Variants in DHRSX observed in about 807,000 individuals in gnomAD.
DHRSX encodes polyprenol dehydrogenase.
In DHRSX, 31 loss-of-function variants were observed where a neutral mutation model predicts 34.0. The ratio of observed to expected loss-of-function variants is 0.91; its 90% confidence interval spans 0.69 to 1.23. The LOEUF (loss-of-function observed/expected upper bound fraction) is 1.23, where lower values mean the gene tolerates loss of function less well. Among genes scored for constraint, DHRSX ranks in the 50% most tolerant of loss-of-function variants. The probability of loss-of-function intolerance (pLI) is 0.00; values close to 1 mark genes in which losing one functional copy is unlikely to be tolerated. For synonymous variants in DHRSX, 201 were observed against 183.8 expected (o/e 1.09, Z -0.76); for missense variants, 414 against 428.1 (o/e 0.97, Z 0.29).
intron 3 of DHRSX, among the ~76,000 whole-genome samples, chrX:2,296,573 G>A (rs1461005166): frequency 1.8e-4 from 20 of 108,570 alleles, no homozygotes; most frequent in Non-Finnish European, 3.5e-4. Flanking sequence ...ATAGGACCCA[G>A]GCAGATAGGA....
chrX:2,245,768 C>G (rs1291287796), intron 5 of DHRSX, among the ~76,000 whole-genome samples: 6 of 132,316 alleles, frequency 4.5e-5, no homozygotes, highest in Non-Finnish European at 8.0e-5. Context: ...CCAGGCTGGC[C>G]AACATGGTGA....
intron 1 of DHRSX, among the ~76,000 whole-genome samples, chrX:2,467,876 G>C (rs1346267500): frequency 6.6e-6 from 1 of 150,872 alleles, no homozygotes; most frequent in Admixed American, 6.6e-5. Context: ...CAGGAGAATC[G>C]CTTGAACCCA....
At chrX:2,317,364 G>T (rs1312250065) in intron 3 of DHRSX, among the ~76,000 whole-genome samples, 1 of 150,360 alleles carries the variant, frequency 6.7e-6, no homozygotes, top group African/African-American at 2.5e-5. Context: ...TGATTCTTCT[G>T]CCTCACTGTC....
At chrX:2,493,549 T>G (rs1017309654) in intron 1 of DHRSX, among the ~76,000 whole-genome samples, 1 of 151,746 alleles carries the variant, frequency 6.6e-6, no homozygotes, top group Non-Finnish European at 1.5e-5. Flanking sequence ...TATTATTATT[T>G]TTATTATTAT....
chrX:2,453,950 G>A (rs895678624), intron 1 of DHRSX, among the ~76,000 whole-genome samples: 7 of 152,052 alleles, frequency 4.6e-5, no homozygotes, highest in African/African-American at 1.7e-4. Context: ...TAACTTTATT[G>A]TTAATATGGT....
chrX:2,390,464 T>C (rs928173195), intron 3 of DHRSX, among the ~76,000 whole-genome samples: 9 of 152,074 alleles, frequency 5.9e-5, no homozygotes, highest in Non-Finnish European at 1.3e-4. Flanking sequence ...TAATTTTGAA[T>C]TGTGGAAAAA....
At chrX:2,478,395 A>G (rs1440240049) in intron 1 of DHRSX, among the ~76,000 whole-genome samples, 1 of 152,178 alleles carries the variant, frequency 6.6e-6, no homozygotes, top group Non-Finnish European at 1.5e-5. Flanking sequence ...GCAGGGACAC[A>G]TTCTGGCCAA....
At chrX:2,298,612 A>ACACACACACACACACACACACACACGCG (rs1556457204) in intron 3 of DHRSX, among the ~76,000 whole-genome samples, 11 of 57,208 alleles carry the variant, frequency 1.9e-4, no homozygotes, top group African/African-American at 4.7e-4. Context: ...ACACACACAC[A>ACACACACACACACACACACACACACGCG]CACACACACA....
At chrX:2,435,970 G>A (rs1439387145) in intron 1 of DHRSX, among the ~76,000 whole-genome samples, 3 of 152,112 alleles carry the variant, frequency 2.0e-5, no homozygotes, top group Non-Finnish European at 4.4e-5. Flanking sequence ...CGAGGCAGGC[G>A]GATCACGAGG....
intron 1 of DHRSX, chrX:2,490,142 C>T: frequency 6.2e-7 from 1 of 1,613,964 alleles, no homozygotes; most frequent in Non-Finnish European, 8.5e-7. Context: ...GATGCCACAC[C>T]AGGTGGCCTC....
At chrX:2,251,396 C>T (rs943501004) in intron 5 of DHRSX, among the ~76,000 whole-genome samples, 6 of 152,180 alleles carry the variant, frequency 3.9e-5, no homozygotes, top group African/African-American at 1.4e-4. Context: ...ACAGCCTGTT[C>T]CTCTTCTTTA....
At chrX:2,237,670 A>G (rs1203537595) in intron 6 of DHRSX, among the ~76,000 whole-genome samples, 1 of 151,664 alleles carries the variant, frequency 6.6e-6, no homozygotes, top group East Asian at 1.9e-4. Flanking sequence ...ACGCCTGGCT[A>G]ATTTCTGTAT....
At chrX:2,448,389 C>G (rs1187834483) in intron 1 of DHRSX, among the ~76,000 whole-genome samples, 2 of 151,872 alleles carry the variant, frequency 1.3e-5, no homozygotes, top group African/African-American at 4.8e-5. Context: ...GAAATAAATT[C>G]AAAGATCTAT....
intron 3 of DHRSX, among the ~76,000 whole-genome samples, chrX:2,294,955 G>A (rs1171536339): frequency 6.6e-6 from 1 of 152,112 alleles, no homozygotes; most frequent in African/African-American, 2.4e-5. Flanking sequence ...GGAGAAATAG[G>A]AACATTTTTA....
At chrX:2,314,885 C>T (rs1405666828) in intron 3 of DHRSX, among the ~76,000 whole-genome samples, 2 of 152,080 alleles carry the variant, frequency 1.3e-5, no homozygotes, top group Admixed American at 6.6e-5. Flanking sequence ...AGGCCAGGTG[C>T]GGTGGCTCAC....
rs777510310 is a variant in DHRSX at position 2,489,086 on chromosome X, T to A, written c.109+11731A>T. On this transcript the variant is annotated intron_variant, in intron 1 of 6. Coordinates refer to ENST00000334651, the MANE Select transcript of DHRSX (RefSeq NM_145177.3). ...GCAGAAGATCTCGGCCAGCATGTTG[T>A]TGATGACGCTGGCGGGCGGCGGCGT... 16 of 1,613,746 alleles carry A rather than the reference T, an allele frequency of 9.9e-6. No individual in the cohort carries two copies. The South Asian group carries it at 1.8e-4, about 18-fold the overall frequency.
In DHRSX at chrX:2,277,079, A is replaced by G. The variant is rs866211904; in HGVS notation, c.389-10132T>C. Among the ~76,000 whole-genome samples the G allele has an allele frequency of 1.9e-3, 122 of 65,582 alleles. No homozygotes were observed. The East Asian group carries it at 0.04, about 22-fold the overall frequency. 43.0% of individuals were successfully genotyped at this position (65,582 alleles called of 152,430 possible). The stretch of plus-strand genomic sequence containing the variant: ...GGGAGGAAATAGGGGGAAAGAGAGA[A>G]AGAGAGATGGAGAGGGAACAGGGAG... On this transcript the variant is annotated intron_variant, in intron 4 of 6. Transcript: ENST00000334651.
chrX:2,304,063 GGGTGGA>G lies in DHRSX; in HGVS notation c.287-12466_287-12461del, dbSNP rs1163934245. Among the ~76,000 whole-genome samples, 173 of 100,516 alleles carry G rather than the reference GGGTGGA, an allele frequency of 1.7e-3. 2 individuals are homozygous for G. Among genetic ancestry groups the G allele is most frequent in the African/African-American group, 5.0e-3 (159 of 31,656 alleles). 65.9% of individuals were successfully genotyped at this position (100,516 alleles called of 152,430 possible). A position where few individuals can be genotyped will look rare whatever the true frequency, so the allele number is the denominator to read the frequency against. On this transcript the variant is annotated intron_variant, in intron 3 of 6. Coordinates refer to ENST00000334651, the MANE Select transcript of DHRSX (RefSeq NM_145177.3). Reference sequence around the variant, plus strand: ...TGGATGGATGGATGGATGGATGGATGGGTGGATGGATGGATGGGTGGGTGGGTGGAT... The same window carrying G: ...TGGATGGATGGATGGATGGATGGATGTGGATGGATGGGTGGGTGGGTGGAT...
intron 3 of DHRSX, among the ~76,000 whole-genome samples, chrX:2,346,589 G>A (rs1472771491): frequency 6.6e-6 from 1 of 151,772 alleles, no homozygotes; most frequent in African/African-American, 2.4e-5. Flanking sequence ...ACTACAAGGT[G>A]ACTCCCATGT....
Sources: allele counts gnomAD v4.1 joint callset (sites outside exome capture counted in the v4.1 genomes callset), GRCh38; gene constraint gnomAD v4.1.1; transcripts MANE v1.5; gene names NCBI Gene and HGNC (gene_info 2026-07-23, HGNC 2026-07-21).